CCDC102A: variants seen among roughly 807,000 people sequenced by gnomAD.
CCDC102A encodes the protein coiled-coil domain-containing protein 102A.
A neutral mutation model predicts 55.5 loss-of-function variants in CCDC102A; 40 were observed. The ratio of observed to expected loss-of-function variants is 0.72; its 90% CI spans 0.56 to 0.94. The LOEUF is 0.94. CCDC102A is among the 40% of genes least tolerant of loss of function. The pLI is 0.00. For synonymous variants in CCDC102A, 323 were observed against 339.0 expected (o/e 0.95, Z 0.52); for missense variants, 779 against 768.6 (o/e 1.01, Z -0.16).
At position 57,515,387 on chromosome 16, in the gene CCDC102A, C is replaced by A. The variant is rs1302305014; in HGVS notation, c.1477G>T (p.Glu493Ter). 3 of 1,609,708 alleles carry A rather than the reference C, an allele frequency of 1.9e-6. No homozygotes were observed. The highest frequency in any genetic ancestry group is 1.7e-5 in the Admixed American group (1 of 59,730). The stretch of plus-strand genomic sequence containing the variant: ...TGCACTTGCAGGTTCTCGCTCTGCT[C>A]CGTCTGCTCGTCCAGCGACCGCTGC... The part of the protein sequence containing the change: ...KLQRSLDEQT[E>*]QSENLQVQLE... Residue 493 changes from glutamate to a stop codon, truncating the protein, a stop_gained, in exon 8 of 9, where the codon GAG becomes TAG. Coordinates refer to ENST00000258214, the MANE Select transcript of CCDC102A (RefSeq NM_033212.4). LOFTEE classifies it high-confidence loss of function.
At chr16:57,521,800 C>T (rs1378644945) in intron 3 of CCDC102A, among the ~76,000 whole-genome samples, 12 of 152,222 alleles carry the variant, frequency 7.9e-5, no homozygotes, top group Admixed American at 6.5e-4. Context: ...AGTAGGTGCT[C>T]ACCAATGGCT....
At position 57,525,905 on chromosome 16, in the gene CCDC102A, G is replaced by T. The variant is rs771934534; in HGVS notation, c.808C>A (p.Arg270=). The part of the protein sequence containing the change: ...DESQKVLLKE[R]EDKLALSRNI... ...CTCCCGCCTCCCACGACTCACTCTC[G>T]CTCCTTGAGCAGCACCTTCTGGGAC... The change falls in exon 3 of 9, where the codon CGA becomes AGA. Residue 270 remains arginine, a synonymous_variant. Coordinates refer to ENST00000258214, the MANE Select transcript of CCDC102A (RefSeq NM_033212.4). 6.2e-7 allele frequency: 1 copy of T among 1,611,880 alleles called. No homozygotes were observed. Among genetic ancestry groups the T allele is most frequent in the Non-Finnish European group, 8.5e-7 (1 of 1,179,312 alleles).
Position 57,526,036 on chromosome 16 carries a change from C to G in CCDC102A, c.677G>C (p.Arg226Pro), listed in dbSNP as rs751465724. ...EARSLGAGGP[R>P]GSSGRQERSR... ...GCGCTCCTGGCGGCCTGAGCTGCCC[C>G]GCGGGCCCCCAGCCCCCAGGCTGCG... Residue 226 changes from arginine (R) to proline (P), a missense_variant, in exon 3 of 9, where the codon CGG becomes CCG. By Grantham distance (103) the Arg-to-Pro change is moderately radical. Coordinates refer to ENST00000258214, the MANE Select transcript of CCDC102A (RefSeq NM_033212.4). The G allele has an allele frequency of 1.9e-6, 3 of 1,597,450 alleles. No individual in the cohort carries two copies. The highest frequency in any genetic ancestry group is 2.7e-5 in the African/African-American group (2 of 74,324).
Position 57,512,737 on chromosome 16 carries a change from A to C in CCDC102A, c.*4T>G. 1 of 1,612,994 alleles carries C rather than the reference A, an allele frequency of 6.2e-7. No homozygotes were observed. Among genetic ancestry groups the C allele is most frequent in the Non-Finnish European group, 8.5e-7 (1 of 1,179,348 alleles). On this transcript the variant is annotated 3_prime_UTR_variant, in exon 9 of 9. Transcript: ENST00000258214. ...CGGCCCATCCTGCCCAGCCACAGGA[A>C]GCTCTAGGCCACCTGGATTTGCAGG... is the stretch of plus-strand genomic sequence containing the variant.
intron 1 of CCDC102A, among the ~76,000 whole-genome samples, chr16:57,536,253 C>G (rs2032384841): frequency 6.6e-6 from 1 of 151,982 alleles, no homozygotes; most frequent in Non-Finnish European, 1.5e-5. Flanking sequence ...GGAGGCGCCT[C>G]CCCTCCCCCA....
At chr16:57,517,835 G>A (rs2146700026) in intron 6 of CCDC102A, among the ~76,000 whole-genome samples, 1 of 152,380 alleles carries the variant, frequency 6.6e-6, no homozygotes, top group East Asian at 1.9e-4. Flanking sequence ...GAAGAGGGGA[G>A]GCCACATCTG....
intron 3 of CCDC102A, among the ~76,000 whole-genome samples, chr16:57,524,072 G>A (rs1041128074): frequency 2.6e-5 from 4 of 152,262 alleles, no homozygotes; most frequent in East Asian, 1.9e-4. Context: ...ACACAGTGAC[G>A]ATGGCAAGAG....
intron 1 of CCDC102A, among the ~76,000 whole-genome samples, chr16:57,533,486 A>G (rs912941529): frequency 6.6e-6 from 1 of 150,462 alleles, no homozygotes; most frequent in African/African-American, 2.5e-5. Flanking sequence ...ACATTCACAC[A>G]CACACCCCCA....
Position 57,528,859 on chromosome 16 carries a change from T to C in CCDC102A, c.319A>G (p.Lys107Glu). The C allele has an allele frequency of 7.4e-7, 1 of 1,350,158 alleles. No homozygotes were observed. Among genetic ancestry groups the C allele is most frequent in the Admixed American group, 3.2e-5 (1 of 31,734 alleles). 83.6% of individuals were successfully genotyped at this position (1,350,158 alleles called of 1,614,324 possible). The change falls in exon 2 of 9, where the codon AAA becomes GAA. Residue 107 changes from lysine to glutamate, a missense_variant. Coordinates refer to ENST00000258214, the MANE Select transcript of CCDC102A (RefSeq NM_033212.4). ...WSDCTANWRE[K>E]WSKVRAERNR... Reference sequence around the variant, plus strand: ...CGCTCAGCGCGCACCTTGCTCCATTTCTCGCGCCAATTGGCAGTGCAGTCC... The same window carrying C: ...CGCTCAGCGCGCACCTTGCTCCATTCCTCGCGCCAATTGGCAGTGCAGTCC...
At chr16:57,519,394 G>C (rs529137311) in intron 4 of CCDC102A, among the ~76,000 whole-genome samples, 1 of 152,212 alleles carries the variant, frequency 6.6e-6, no homozygotes, top group Non-Finnish European at 1.5e-5. Flanking sequence ...CTGGGAGGAC[G>C]GGGAGCTTGT....
intron 2 of CCDC102A, among the ~76,000 whole-genome samples, chr16:57,526,850 T>A (rs72791631): frequency 0.16 from 24,033 of 152,104 alleles, 2,018 homozygotes; most frequent in South Asian, 0.34. Context: ...ACTCTTCTGT[T>A]TCTCAGATTA....
At chr16:57,526,937 T>C (rs1287393291) in intron 2 of CCDC102A, among the ~76,000 whole-genome samples, 2 of 152,140 alleles carry the variant, frequency 1.3e-5, no homozygotes, top group African/African-American at 4.8e-5. Context: ...GGCCACAGCA[T>C]GAAAAGGCTG....
chr16:57,534,775 G>A (rs1340362983), intron 1 of CCDC102A, among the ~76,000 whole-genome samples: 5 of 152,204 alleles, frequency 3.3e-5, no homozygotes, highest in Non-Finnish European at 7.3e-5. Context: ...GCCAGGCTCT[G>A]AGACAGGTAG....
At chr16:57,513,037 A>G (rs1483150270) in intron 8 of CCDC102A, among the ~76,000 whole-genome samples, 167 bp from the exon 9 acceptor site, 1 of 152,164 alleles carries the variant, frequency 6.6e-6, no homozygotes, top group African/African-American at 2.4e-5. Context: ...CCCCCATTTT[A>G]CAAGCAAGGA....
chr16:57,536,208 C>G (rs1386620473), intron 1 of CCDC102A, among the ~76,000 whole-genome samples: 1 of 152,092 alleles, frequency 6.6e-6, no homozygotes, highest in African/African-American at 2.4e-5. Context: ...CCCCGCCCGC[C>G]GCCCCCTCCC....
At chr16:57,519,792 A>C (rs1302293895) in intron 4 of CCDC102A, among the ~76,000 whole-genome samples, 4 of 152,208 alleles carry the variant, frequency 2.6e-5, no homozygotes, top group African/African-American at 9.6e-5. Context: ...AGGTCTGGGA[A>C]TCTGTATTTT....
At position 57,528,662 on chromosome 16, in the gene CCDC102A, G is replaced by A. The variant is rs1368794116; in HGVS notation, c.516C>T (p.Asp172=). 2.6e-6 allele frequency: 3 copies of A among 1,157,074 alleles called. No homozygotes were observed. The highest frequency in any genetic ancestry group is 1.7e-5 in the African/African-American group (1 of 59,298). 71.7% of individuals were successfully genotyped at this position (1,157,074 alleles called of 1,614,324 possible). ...CGCGCTCCGCTTCCGGCTCGGGGCCGTCGCGCGTCTGGTCGGCGACCCCCC... is the reference window on the plus strand; with the variant it reads ...CGCGCTCCGCTTCCGGCTCGGGGCCATCGCGCGTCTGGTCGGCGACCCCCC... The part of the protein sequence containing the change: ...GARGVADQTR[D]GPEPEAEREP... Residue 172 remains aspartate (D), a synonymous_variant, in exon 2 of 9, where the codon GAC becomes GAT. Coordinates refer to ENST00000258214, the MANE Select transcript of CCDC102A (RefSeq NM_033212.4).
intron 2 of CCDC102A, among the ~76,000 whole-genome samples, chr16:57,527,217 C>A (rs74831774): frequency 2.0e-5 from 3 of 152,172 alleles, no homozygotes; most frequent in Admixed American, 1.3e-4. Flanking sequence ...AGGGACTGAG[C>A]TGGGGACAGA....
intron 3 of CCDC102A, among the ~76,000 whole-genome samples, chr16:57,523,476 A>AT (rs766409543): frequency 0.13 from 18,527 of 144,216 alleles, 1,255 homozygotes; most frequent in East Asian, 0.19. Flanking sequence ...CATTATAGTG[A>AT]TTTTTTTTTT....
Sources: gnomAD v4.1 joint callset for allele counts (sites outside exome capture counted in the v4.1 genomes callset) on GRCh38, gnomAD v4.1.1 for gene constraint, MANE v1.5 for transcripts, NCBI Gene and HGNC (gene_info 2026-07-23, HGNC 2026-07-21) for gene names.